The following KCNH7 variants were observed in gnomAD, a reference collection of about 807,000 sequenced individuals.
KCNH7 encodes potassium voltage-gated channel subfamily H member 7.
KCNH7 carries 49 observed loss-of-function variants against 120.8 expected under a neutral mutation model. The observed-to-expected ratio is 0.41, with a 90% CI of 0.32 to 0.51. The LOEUF (loss-of-function observed/expected upper bound fraction) is 0.51, where lower values mean the gene tolerates loss of function less well. Among genes scored for constraint, KCNH7 ranks in the 20% least tolerant of loss-of-function variants. The probability of loss-of-function intolerance (pLI) is 0.38; values close to 1 mark genes in which losing one functional copy is unlikely to be tolerated. For missense variants in KCNH7, 1,097 were observed against 1,446.6 expected (o/e 0.76, Z 3.92); for synonymous variants, 547 against 516.1 (o/e 1.06, Z -0.81).
chr2:162,609,956 C>A (rs1682908351), intron 2 of KCNH7, among the ~76,000 whole-genome samples: 2 of 152,152 alleles, frequency 1.3e-5, no homozygotes, highest in South Asian at 4.1e-4. Context: ...TGGGCCGTCT[C>A]TAGGAGGGTT....
intron 2 of KCNH7, among the ~76,000 whole-genome samples, chr2:162,760,591 T>C (rs1374313240): frequency 6.6e-6 from 1 of 152,096 alleles, no homozygotes; most frequent in Non-Finnish European, 1.5e-5. Context: ...GTAACATTAA[T>C]GGTCCCCTTC....
chr2:162,763,518 C>T (rs78438393), intron 2 of KCNH7, among the ~76,000 whole-genome samples: 4,841 of 152,032 alleles, frequency 0.032, 103 homozygotes, highest in Non-Finnish European at 0.043. Context: ...TAAAAGGATC[C>T]GTAAAGTTCC....
intron 2 of KCNH7, among the ~76,000 whole-genome samples, chr2:162,742,938 AG>A (rs1178385271): frequency 1.3e-5 from 2 of 152,236 alleles, no homozygotes; most frequent in African/African-American, 4.8e-5. Flanking sequence ...TAATACATTC[AG>A]GTTTTAGGTA....
intron 8 of KCNH7, 147 bp from the exon 9 acceptor site, chr2:162,423,682 A>G: frequency 2.9e-6 from 2 of 687,772 alleles, no homozygotes; most frequent in Admixed American, 6.0e-5. Context: ...GTTAAACTAA[A>G]ACTGCTTTAC....
intron 2 of KCNH7, among the ~76,000 whole-genome samples, chr2:162,703,394 T>C (rs550772185): frequency 3.9e-5 from 6 of 152,254 alleles, no homozygotes; most frequent in Admixed American, 3.9e-4. Context: ...ATGTCTCAAC[T>C]CTTAACTTTT....
chr2:162,429,382 T>TA (rs1687983720), intron 8 of KCNH7, among the ~76,000 whole-genome samples: 2 of 87,702 alleles, frequency 2.3e-5, no homozygotes, highest in Non-Finnish European at 4.8e-5. Flanking sequence ...GAGGAAAAAG[T>TA]CTTTTTTTTT....
At chr2:162,429,605 CAATAT>C (rs1302040621) in intron 8 of KCNH7, among the ~76,000 whole-genome samples, 3 of 151,212 alleles carry the variant, frequency 2.0e-5, no homozygotes, top group Non-Finnish European at 4.4e-5. Flanking sequence ...TTTCTTTCAG[CAATAT>C]AACGATTTTG....
chr2:162,458,158 T>C (rs1689033907), intron 6 of KCNH7, among the ~76,000 whole-genome samples: 1 of 151,740 alleles, frequency 6.6e-6, no homozygotes, highest in Non-Finnish European at 1.5e-5. Flanking sequence ...GATGATTGTA[T>C]AATTGCAGTC....
At chr2:162,405,441 AAG>A (rs901089897) in intron 9 of KCNH7, among the ~76,000 whole-genome samples, 4 of 152,010 alleles carry the variant, frequency 2.6e-5, no homozygotes, top group Non-Finnish European at 5.9e-5. Flanking sequence ...ACACAAAACA[AAG>A]AGAGAGCAAA....
intron 2 of KCNH7, among the ~76,000 whole-genome samples, chr2:162,637,291 G>A (rs866585362): frequency 6.6e-6 from 1 of 152,040 alleles, no homozygotes; most frequent in Non-Finnish European, 1.5e-5. Flanking sequence ...GGCCTGTGGA[G>A]TAAGGCAGTG....
intron 9 of KCNH7, among the ~76,000 whole-genome samples, chr2:162,401,535 A>G (rs577609228): frequency 6.6e-6 from 1 of 152,064 alleles, no homozygotes; most frequent in East Asian, 2.0e-4. Context: ...ATTTCAATGT[A>G]TTTGGCTCAC....
At chr2:162,716,470 A>G (rs1687128346) in intron 2 of KCNH7, among the ~76,000 whole-genome samples, 1 of 152,200 alleles carries the variant, frequency 6.6e-6, no homozygotes, top group African/African-American at 2.4e-5. Context: ...TGTCTGTTAA[A>G]CAGAAGATAG....
At chr2:162,555,959 C>T (rs1053940670) in intron 2 of KCNH7, among the ~76,000 whole-genome samples, 31 of 151,978 alleles carry the variant, frequency 2.0e-4, no homozygotes, top group East Asian at 1.2e-3. Flanking sequence ...TAAAATAGAA[C>T]GCTGCGTATT....
rs1177895769 is a variant in KCNH7, at chr2:162,719,538, A to G, written c.307+116999T>C. Among the ~76,000 whole-genome samples, 5 of 152,074 alleles carry G rather than the reference A, an allele frequency of 3.3e-5. No individual in the cohort carries two copies. The East Asian group carries it at 9.6e-4, about 29-fold the overall frequency. On this transcript the variant is annotated intron_variant, in intron 2 of 15. Coordinates refer to ENST00000332142, the MANE Select transcript of KCNH7 (RefSeq NM_033272.4). ...AGAATAGCTCTGATTTCTTAGTAAT[A>G]AAGTTTTTGTCATGTTTTAGTGAGA... is the stretch of plus-strand genomic sequence containing the variant.
At chr2:162,421,377 G>A (rs1365717200) in intron 9 of KCNH7, among the ~76,000 whole-genome samples, 1 of 152,140 alleles carries the variant, frequency 6.6e-6, no homozygotes. Flanking sequence ...TATGGGGACT[G>A]GGAAATTGTA....
intron 6 of KCNH7, among the ~76,000 whole-genome samples, chr2:162,499,924 T>A (rs1400412949): frequency 2.6e-5 from 4 of 151,858 alleles, no homozygotes; most frequent in African/African-American, 4.8e-5. Context: ...TATCCCAAAC[T>A]CCCAATGTAG....
At chr2:162,472,743 A>G (rs1181905638) in intron 6 of KCNH7, among the ~76,000 whole-genome samples, 2 of 152,228 alleles carry the variant, frequency 1.3e-5, no homozygotes, top group Non-Finnish European at 2.9e-5. Flanking sequence ...TACTGGGTAT[A>G]CACCCAAAGG....
chr2:162,636,889 AC>A (rs1221756685), intron 2 of KCNH7, among the ~76,000 whole-genome samples: 1 of 152,078 alleles, frequency 6.6e-6, no homozygotes, highest in African/African-American at 2.4e-5. Context: ...TTACAGTTTT[AC>A]TGTCAACACT....
intron 2 of KCNH7, among the ~76,000 whole-genome samples, chr2:162,605,384 G>T (rs1037463972): frequency 6.6e-6 from 1 of 152,044 alleles, no homozygotes; most frequent in Admixed American, 6.6e-5. Flanking sequence ...GATTAATTTT[G>T]CTTTTCAATT....
Sources: gnomAD v4.1 joint callset for allele counts (sites outside exome capture counted in the v4.1 genomes callset) on GRCh38, gnomAD v4.1.1 for gene constraint, MANE v1.5 for transcripts, NCBI Gene and HGNC (gene_info 2026-07-23, HGNC 2026-07-21) for gene names.